Variants in SIPA1L1 observed in about 807,000 individuals in gnomAD.
SIPA1L1 encodes signal induced proliferation associated 1 like 1, also known as signal-induced proliferation-associated 1-like protein 1.
A neutral mutation model predicts 162.7 loss-of-function variants in SIPA1L1; 26 were observed. The ratio of observed to expected loss-of-function variants is 0.16; its 90% confidence interval spans 0.12 to 0.22. SIPA1L1 has a LOEUF of 0.22. Ranked by LOEUF, SIPA1L1 falls within the 10% of genes least tolerant of loss-of-function variation. SIPA1L1 has a pLI of 1.00. For synonymous variants in SIPA1L1, 829 were observed against 837.4 expected (o/e 0.99, Z 0.17); for missense variants, 1,874 against 2,241.0 (o/e 0.84, Z 3.31).
chr14:71,552,725 C>A (rs1359262569), intron 4 of SIPA1L1, among the ~76,000 whole-genome samples: 2 of 152,078 alleles, frequency 1.3e-5, no homozygotes, highest in African/African-American at 4.8e-5. Context: ...CCTGCAGCAG[C>A]TTTTGAGTTT....
At chr14:71,687,296 C>A (rs1272499135) in intron 13 of SIPA1L1, among the ~76,000 whole-genome samples, 2 of 152,160 alleles carry the variant, frequency 1.3e-5, no homozygotes, top group Non-Finnish European at 2.9e-5. Context: ...GGAAAACATC[C>A]AAGAGACCTC....
At chr14:71,672,196 A>C in intron 11 of SIPA1L1, 152 bp from the exon 12 acceptor site, 1 of 723,072 alleles carries the variant, frequency 1.4e-6, no homozygotes, top group Non-Finnish European at 2.3e-6. Context: ...CCTAATGAAT[A>C]GGAGATTAGT....
intron 4 of SIPA1L1, among the ~76,000 whole-genome samples, chr14:71,534,523 C>T (rs2053723452): frequency 6.6e-6 from 1 of 152,054 alleles, no homozygotes; most frequent in African/African-American, 2.4e-5. Flanking sequence ...AGATGCTTTC[C>T]CAATTTTGTG....
intron 2 of SIPA1L1, among the ~76,000 whole-genome samples, chr14:71,446,135 C>A (rs1309036497): frequency 2.0e-5 from 3 of 152,180 alleles, no homozygotes; most frequent in Non-Finnish European, 4.4e-5. Context: ...AGGCATGAGA[C>A]ACCATGCCTG....
intron 7 of SIPA1L1, among the ~76,000 whole-genome samples, chr14:71,638,952 TAGTC>T (rs2041434905): frequency 6.6e-6 from 1 of 152,028 alleles, no homozygotes; most frequent in Admixed American, 6.6e-5. Context: ...TAATCCCAGA[TAGTC>T]AGGAAGCAGA....
intron 3 of SIPA1L1, among the ~76,000 whole-genome samples, chr14:71,524,689 G>C (rs553777240): frequency 6.6e-6 from 1 of 152,226 alleles, no homozygotes; most frequent in East Asian, 1.9e-4. Flanking sequence ...GGCTCAAGTA[G>C]CCTCCTGCCT....
intron 17 of SIPA1L1, among the ~76,000 whole-genome samples, chr14:71,715,568 A>G (rs2083207835): frequency 6.6e-6 from 1 of 152,238 alleles, no homozygotes; most frequent in African/African-American, 2.4e-5. Flanking sequence ...CACCAAACCA[A>G]AATCCTGTTC....
intron 2 of SIPA1L1, among the ~76,000 whole-genome samples, chr14:71,502,698 G>A (rs2050358622): frequency 6.6e-6 from 1 of 152,116 alleles, no homozygotes; most frequent in African/African-American, 2.4e-5. Flanking sequence ...AATCCAGAGA[G>A]ACTATTTTTC....
chr14:71,471,462 C>T (rs921840194), intron 2 of SIPA1L1, among the ~76,000 whole-genome samples: 2 of 152,216 alleles, frequency 1.3e-5, no homozygotes, highest in Admixed American at 6.5e-5. Context: ...AAGCAAGACT[C>T]TGTCTTGGGG....
At chr14:71,427,645 G>A (rs1271815443) in intron 2 of SIPA1L1, among the ~76,000 whole-genome samples, 1 of 152,000 alleles carries the variant, frequency 6.6e-6, no homozygotes, top group African/African-American at 2.4e-5. Flanking sequence ...CATTTTCATT[G>A]TCCTCTCTTC....
At chr14:71,521,722 C>G (rs1343523720) in intron 3 of SIPA1L1, among the ~76,000 whole-genome samples, 1 of 152,210 alleles carries the variant, frequency 6.6e-6, no homozygotes, top group Non-Finnish European at 1.5e-5. Context: ...CTATGTTCAA[C>G]TTTAATAGAT....
At chr14:71,675,175 C>T (rs1279557992) in intron 12 of SIPA1L1, among the ~76,000 whole-genome samples, 1 of 152,210 alleles carries the variant, frequency 6.6e-6, no homozygotes, top group Non-Finnish European at 1.5e-5. Flanking sequence ...ATTACCAGCT[C>T]CAGCACACCA....
At chr14:71,605,434 T>A (rs1198847062) in intron 5 of SIPA1L1, among the ~76,000 whole-genome samples, 3 of 152,198 alleles carry the variant, frequency 2.0e-5, no homozygotes, top group Admixed American at 2.0e-4. Context: ...AGATGTCATA[T>A]TTCTTAGTTT....
intron 2 of SIPA1L1, among the ~76,000 whole-genome samples, chr14:71,483,141 A>G (rs966937015): frequency 1.1e-4 from 17 of 152,210 alleles, no homozygotes; most frequent in African/African-American, 2.4e-4. Context: ...AGTGGTCAGA[A>G]TTTGAGGGCT....
At chr14:71,699,261 T>A in intron 14 of SIPA1L1, 134 bp downstream of exon 14, 1 of 861,834 alleles carries the variant, frequency 1.2e-6, no homozygotes. Context: ...AAAACGTAGT[T>A]AATAATCCAG....
chr14:71,697,679 A>G (rs2081752128), intron 13 of SIPA1L1, among the ~76,000 whole-genome samples: 1 of 152,224 alleles, frequency 6.6e-6, no homozygotes, highest in African/African-American at 2.4e-5. Flanking sequence ...CCTCTTGGGC[A>G]TGGATTAATT....
At chr14:71,368,142 C>CTTTTTTTTTTTTTTTT (rs755238643) in intron 2 of SIPA1L1, among the ~76,000 whole-genome samples, 3 of 115,184 alleles carry the variant, frequency 2.6e-5, no homozygotes, top group African/African-American at 3.3e-5. Context: ...TTGTGGTATT[C>CTTTTTTTTTTTTTTTT]TTTTTTTTTT....
intron 4 of SIPA1L1, among the ~76,000 whole-genome samples, chr14:71,552,996 G>C (rs1365050960): frequency 6.6e-6 from 1 of 152,152 alleles, no homozygotes; most frequent in Non-Finnish European, 1.5e-5. Flanking sequence ...CTACCCACGA[G>C]ATGCCAATAG....
intron 5 of SIPA1L1, among the ~76,000 whole-genome samples, chr14:71,610,020 T>C (rs1330854161): frequency 2.0e-5 from 3 of 152,150 alleles, no homozygotes; most frequent in African/African-American, 7.2e-5. Context: ...TCTTATTTCA[T>C]GAAAAAAAGA....
Sources: allele counts gnomAD v4.1 joint callset (sites outside exome capture counted in the v4.1 genomes callset), GRCh38; gene constraint gnomAD v4.1.1; transcripts MANE v1.5; gene names NCBI Gene and HGNC (gene_info 2026-07-23, HGNC 2026-07-21).